Variants in HNRNPUL1 observed in about 807,000 individuals in gnomAD.
HNRNPUL1 encodes heterogeneous nuclear ribonucleoprotein U like 1, also known as heterogeneous nuclear ribonucleoprotein U-like protein 1.
HNRNPUL1 carries 14 observed loss-of-function variants against 108.5 expected under a neutral mutation model. That is an observed-to-expected ratio of 0.13 (90% CI 0.09 to 0.20). The LOEUF (loss-of-function observed/expected upper bound fraction) is 0.20, where lower values mean the gene tolerates loss of function less well. Among genes scored for constraint, HNRNPUL1 ranks in the 10% least tolerant of loss-of-function variants. HNRNPUL1 has a pLI of 1.00. For missense variants in HNRNPUL1, 804 were observed against 1,168.3 expected, an observed-to-expected ratio of 0.69 and a Z score of 4.55; for synonymous variants, 422 against 445.2, an observed-to-expected ratio of 0.95 and a Z score of 0.66.
At chr19:41,269,915 A>G (rs2035112770) in intron 2 of HNRNPUL1, among the ~76,000 whole-genome samples, 1 of 152,050 alleles carries the variant, frequency 6.6e-6, no homozygotes, top group African/African-American at 2.4e-5. Flanking sequence ...CCTGGGCAAC[A>G]TAACCCTGTC....
Position 41,264,387 on chromosome 19 carries a change from C to G in HNRNPUL1, c.-117C>G. On this transcript the variant is annotated 5_prime_UTR_variant, in exon 1 of 15. Transcript: ENST00000392006. ...GGCGGCGGCCATTTTGAGCCGCTGCCGCCATTGGAGTGGGCCCCCCCCCTT... is the reference window on the plus strand; with the variant it reads ...GGCGGCGGCCATTTTGAGCCGCTGCGGCCATTGGAGTGGGCCCCCCCCCTT... 2.3e-6 allele frequency: 2 copies of G among 876,472 alleles called. No individual in the cohort carries two copies. The highest frequency in any genetic ancestry group is 3.1e-6 in the Non-Finnish European group (2 of 652,704). 54.3% of individuals were successfully genotyped at this position (876,472 alleles called of 1,614,324 possible). A position where few individuals can be genotyped will look rare whatever the true frequency, so the allele number is the denominator to read the frequency against.
intron 12 of HNRNPUL1, 80 bp downstream of exon 12, chr19:41,303,029 A>G: frequency 1.4e-6 from 2 of 1,438,574 alleles, no homozygotes; most frequent in Non-Finnish European, 1.9e-6. Flanking sequence ...TCAATCAGCA[A>G]CTGAAGTTTT....
chr19:41,275,442 C>T (rs1352537362), intron 4 of HNRNPUL1, among the ~76,000 whole-genome samples: 1 of 151,994 alleles, frequency 6.6e-6, no homozygotes, highest in African/African-American at 2.4e-5. Context: ...GAGCCGAGAT[C>T]ATGCCTCCGT....
chr19:41,293,143 T>A (rs550698309), intron 8 of HNRNPUL1, among the ~76,000 whole-genome samples: 32 of 152,352 alleles, frequency 2.1e-4, no homozygotes, highest in African/African-American at 7.7e-4. Context: ...TACTAGTGTC[T>A]TTTTTCTTAA....
Position 41,292,563 on chromosome 19 carries a change from G to A in HNRNPUL1, c.1266+52G>A. 1 of 1,504,332 alleles carries A rather than the reference G, an allele frequency of 6.6e-7. No individual in the cohort carries two copies. Among genetic ancestry groups the A allele is most frequent in the East Asian group, 2.3e-5 (1 of 42,918 alleles). 93.2% of individuals were successfully genotyped at this position (1,504,332 alleles called of 1,614,324 possible). A position where few individuals can be genotyped will look rare whatever the true frequency, so the allele number is the denominator to read the frequency against. ...GCCACCTTGCTGCCAAGACAGAGGA[G>A]ACACACACACACACACACACACAGA... On this transcript the variant is annotated intron_variant, in intron 8 of 14. Transcript: ENST00000392006. The surrounding 1 kb of genome is among the most constrained non-coding windows in gnomAD (Gnocchi z 4.1).
Position 41,265,132 on chromosome 19 carries a change from T to A in HNRNPUL1, c.295+334T>A, listed in dbSNP as rs2034740934. On this transcript the variant is annotated intron_variant, in intron 1 of 14. Transcript: ENST00000392006. ...TCGGAAGAACAAGAGGTTTTCCGTT[T>A]GGGTTGGGGAGGGTCTCGAAAATGG... 33 of 1,407,210 alleles carry A rather than the reference T, an allele frequency of 2.3e-5. 1 individual carries two copies. The South Asian group carries it at 4.6e-4, about 19-fold the overall frequency. The allele number at this position is 1,407,210 out of a possible 1,614,324, so 87.2% of individuals were successfully genotyped here.
intron 1 of HNRNPUL1, chr19:41,265,006 G>A: frequency 7.2e-7 from 1 of 1,391,050 alleles, no homozygotes; most frequent in Non-Finnish European, 9.3e-7. Flanking sequence ...GACACTGGGG[G>A]AGGGGCCTCT....
intron 6 of HNRNPUL1, 141 bp from the exon 7 acceptor site, chr19:41,281,022 C>T (rs2035869108): frequency 4.9e-6 from 3 of 607,178 alleles, no homozygotes; most frequent in Non-Finnish European, 8.9e-6. Context: ...CCCTTCCCCA[C>T]CCCTATTTTA....
chr19:41,298,237 A>G (rs769530288), intron 10 of HNRNPUL1, among the ~76,000 whole-genome samples: 1 of 152,162 alleles, frequency 6.6e-6, no homozygotes, highest in East Asian at 1.9e-4. Context: ...AAAACTCCCC[A>G]TATAGCTTCT....
chr19:41,272,046 G>A (rs760418332), intron 2 of HNRNPUL1, 36 bp from the exon 3 acceptor site: 8 of 1,607,728 alleles, frequency 5.0e-6, no homozygotes, highest in Middle Eastern at 1.7e-4. Flanking sequence ...GGGAGCTTGC[G>A]AGTGTCTTGA....
intron 3 of HNRNPUL1, 158 bp downstream of exon 3, chr19:41,272,393 C>T: frequency 2.6e-6 from 2 of 759,126 alleles, no homozygotes; most frequent in South Asian, 4.1e-5. Context: ...CTACCAGATT[C>T]AGCTTTCCTA....
At chr19:41,302,527 A>T (rs11881940) in intron 11 of HNRNPUL1, 138 bp from the exon 12 acceptor site, 167,722 of 1,128,630 alleles carry the variant, frequency 0.15, 13,417 homozygotes, top group East Asian at 0.23. Context: ...CCTTCTGTCT[A>T]TGTCTTTCTT....
intron 7 of HNRNPUL1, among the ~76,000 whole-genome samples, chr19:41,284,030 G>A (rs2036062876): frequency 6.6e-6 from 1 of 152,188 alleles, no homozygotes; most frequent in African/African-American, 2.4e-5. Context: ...GTTCTTTTCG[G>A]TAAATTGTGT....
At chr19:41,273,407 T>A (rs1188977357) in intron 3 of HNRNPUL1, among the ~76,000 whole-genome samples, 1 of 152,162 alleles carries the variant, frequency 6.6e-6, no homozygotes, top group Admixed American at 6.5e-5. Flanking sequence ...TCTTCCTCGT[T>A]CCTGTACAGC....
intron 3 of HNRNPUL1, 118 bp downstream of exon 3, chr19:41,272,353 TCA>T: frequency 9.5e-7 from 1 of 1,053,574 alleles, no homozygotes; most frequent in Non-Finnish European, 1.4e-6. Flanking sequence ...CCCTCTGCTT[TCA>T]CACTCTTCCT....
chr19:41,274,087 C>A, intron 4 of HNRNPUL1, 32 bp downstream of exon 4: 1 of 1,570,850 alleles, frequency 6.4e-7, no homozygotes, highest in Non-Finnish European at 8.8e-7. Context: ...CTAATTCTGC[C>A]TTACAGTCAG....
chr19:41,274,772 A>G (rs1035368099), intron 4 of HNRNPUL1, among the ~76,000 whole-genome samples: 1 of 152,188 alleles, frequency 6.6e-6, no homozygotes, highest in African/African-American at 2.4e-5. Context: ...TTATTCATCT[A>G]TTTCTACAGA....
upstream of HNRNPUL1, chr19:41,264,349 G>A: frequency 7.2e-6 from 4 of 553,408 alleles, no homozygotes; most frequent in Non-Finnish European, 8.5e-6. Flanking sequence ...GCACGAGTGA[G>A]GGGGGAGGCG....
rs376581733 is a variant in HNRNPUL1, at chr19:41,306,499, A to G, written c.2505A>G (p.Pro835=). The part of the protein sequence containing the change: ...QYYQNQGQWP[P]YYGNYDYGSY... ...ATCAGAACCAGGGCCAGTGGCCGCC[A>G]TACTACGGGAACTACGACTACGGGA... Residue 835 remains proline (P), a synonymous_variant, in exon 15 of 15, where the codon CCA becomes CCG. Transcript: ENST00000392006. 49 of 1,606,968 alleles carry G rather than the reference A, an allele frequency of 3.0e-5. No homozygotes were observed. The African/African-American group carries it at 6.2e-4, about 20-fold the overall frequency.
Sources: allele counts gnomAD v4.1 joint callset (sites outside exome capture counted in the v4.1 genomes callset), GRCh38; gene constraint gnomAD v4.1.1; non-coding constraint Gnocchi (gnomAD v3.1); transcripts MANE v1.5; gene names NCBI Gene and HGNC (gene_info 2026-07-23, HGNC 2026-07-21).